The following TBK1 variants were observed in gnomAD, a reference collection of about 807,000 sequenced individuals.
The protein encoded by TBK1 is serine/threonine-protein kinase TBK1.
Under a neutral mutation model 99.9 loss-of-function variants are expected in TBK1, and 37 were observed. The observed-to-expected ratio is 0.37, with a 90% confidence interval of 0.28 to 0.49. The LOEUF (loss-of-function observed/expected upper bound fraction) is 0.49. Ranked by LOEUF, TBK1 falls within the 20% of genes least tolerant of loss-of-function variation. The pLI is 0.98. For synonymous variants in TBK1, 258 were observed against 279.8 expected (o/e 0.92, Z 0.78); for missense variants, 644 against 872.5 (o/e 0.74, Z 3.30).
chr12:64,500,516 A>C (rs1165195401), intron 20 of TBK1, among the ~76,000 whole-genome samples: 2 of 152,114 alleles, frequency 1.3e-5, no homozygotes, highest in Non-Finnish European at 2.9e-5. Context: ...TATTACAGCC[A>C]AAATCATCTT....
intron 3 of TBK1, among the ~76,000 whole-genome samples, chr12:64,462,194 T>G (rs1236774349): frequency 6.6e-6 from 1 of 152,232 alleles, no homozygotes; most frequent in African/African-American, 2.4e-5. Context: ...GACAGAAGTC[T>G]TGTTCTTTCA....
intron 5 of TBK1, among the ~76,000 whole-genome samples, chr12:64,471,245 C>T (rs1374613628): frequency 6.6e-6 from 1 of 152,052 alleles, no homozygotes; most frequent in Admixed American, 6.6e-5. Context: ...TCTCAGCTCA[C>T]TCAAGCTCCA....
chr12:64,456,825 G>C (rs977518405), intron 2 of TBK1, among the ~76,000 whole-genome samples: 11 of 143,320 alleles, frequency 7.7e-5, no homozygotes, highest in Non-Finnish European at 1.7e-4. Flanking sequence ...CTGGGTGACA[G>C]AGCAAGACTC....
intron 6 of TBK1, among the ~76,000 whole-genome samples, chr12:64,476,618 TTGTC>T (rs2040716879): frequency 1.3e-5 from 2 of 152,178 alleles, no homozygotes; most frequent in Non-Finnish European, 2.9e-5. Context: ...ATTCTATAGG[TTGTC>T]TGTTTATTCT....
intron 14 of TBK1, 40 bp downstream of exon 14, chr12:64,495,644 T>C (rs1358649560): frequency 6.2e-7 from 1 of 1,613,056 alleles, no homozygotes; most frequent in African/African-American, 1.3e-5. Context: ...CTCTTATTAA[T>C]GTCCTTTTTC....
At chr12:64,484,750 T>A (rs2040801984) in intron 9 of TBK1, among the ~76,000 whole-genome samples, 1 of 152,070 alleles carries the variant, frequency 6.6e-6, no homozygotes, top group African/African-American at 2.4e-5. Context: ...GGACCCTGTC[T>A]CAAAAACAAA....
chr12:64,494,722 A>G (rs935130731), intron 13 of TBK1, among the ~76,000 whole-genome samples: 3 of 152,244 alleles, frequency 2.0e-5, no homozygotes, highest in African/African-American at 2.4e-5. Context: ...AAAAAATTGC[A>G]TAACAGTAAG....
At position 64,496,980 on chromosome 12, in the gene TBK1, A is replaced by G. The variant is rs899858451; in HGVS notation, c.1792A>G (p.Met598Val). 49 of 1,613,070 alleles carry G rather than the reference A, an allele frequency of 3.0e-5. No homozygotes were observed. Among genetic ancestry groups the G allele is most frequent in the African/African-American group, 5.3e-5 (4 of 74,906 alleles). Reference protein sequence around the residue: ...QKLYYHATKAMTHFTDECVKK... With the variant: ...QKLYYHATKAVTHFTDECVKK... ...ACTGTATTACCATGCCACAAAAGCT[A>G]TGACGCACTTTACAGATGAATGTGT... Residue 598 changes from methionine to valine, a missense_variant, in exon 17 of 21, where the codon ATG (methionine) becomes GTG (valine). Coordinates refer to ENST00000331710, the MANE Select transcript of TBK1 (RefSeq NM_013254.4).
intron 1 of TBK1, chr12:64,452,806 A>G (rs2040442195): frequency 6.6e-6 from 1 of 152,234 alleles, no homozygotes; most frequent in African/African-American, 2.4e-5. Flanking sequence ...TACCTGGCTT[A>G]TGGGTTTAAT....
At chr12:64,455,993 C>T in intron 2 of TBK1, 36 bp downstream of exon 2, 2 of 1,472,044 alleles carry the variant, frequency 1.4e-6, no homozygotes, top group Non-Finnish European at 1.9e-6. Flanking sequence ...CCTTTTATCA[C>T]TGTATGTATT....
chr12:64,484,251 G>A, intron 8 of TBK1, 52 bp from the exon 9 acceptor site: 2 of 1,166,018 alleles, frequency 1.7e-6, no homozygotes, highest in Non-Finnish European at 2.5e-6. Context: ...AAAATATTTT[G>A]CCTCTCACTT....
In TBK1 at chr12:64,456,095, A is replaced by G; in HGVS notation, c.87+138A>G. On this transcript the variant is annotated intron_variant, in intron 2 of 20. Transcript: ENST00000331710. ...AATTGTTTTAATGATTTTCGTGGTC[A>G]TTTAAGGCATAGCTGTGTCAGGCAG... is the stretch of plus-strand genomic sequence containing the variant. The G allele has an allele frequency of 4.5e-6, 3 of 665,506 alleles. No homozygotes were observed. In the South Asian group the frequency reaches 5.8e-5, roughly 13 times the overall value. 41.2% of individuals were successfully genotyped at this position (665,506 alleles called of 1,614,324 possible). A position where few individuals can be genotyped will look rare whatever the true frequency, so the allele number is the denominator to read the frequency against.
intron 6 of TBK1, among the ~76,000 whole-genome samples, 195 bp from the exon 7 acceptor site, chr12:64,479,817 C>T (rs1399347879): frequency 6.6e-6 from 1 of 151,944 alleles, no homozygotes; most frequent in Non-Finnish European, 1.5e-5. Flanking sequence ...TATAAATAAC[C>T]GTACAACCAC....
intron 2 of TBK1, 150 bp downstream of exon 2, chr12:64,456,107 G>T (rs777446174): frequency 6.2e-6 from 4 of 640,892 alleles, no homozygotes; most frequent in African/African-American, 5.5e-5. Flanking sequence ...TTAAGGCATA[G>T]CTGTGTCAGG....
chr12:64,461,967 T>C (rs1225390371), intron 3 of TBK1, among the ~76,000 whole-genome samples: 1 of 152,228 alleles, frequency 6.6e-6, no homozygotes, highest in Admixed American at 6.5e-5. Context: ...CATTGATGTA[T>C]GACAGTATGC....
chr12:64,456,699 A>C (rs930156145), intron 2 of TBK1, among the ~76,000 whole-genome samples: 1 of 151,846 alleles, frequency 6.6e-6, no homozygotes, highest in African/African-American at 2.4e-5. Context: ...AAAATTAGCC[A>C]GGCGTGGTGG....
Position 64,488,570 on chromosome 12 carries a change from T to C in TBK1, c.1424T>C (p.Ile475Thr), listed in dbSNP as rs1486952029. The part of the protein sequence containing the change: ...VITLDFCIRN[I>T]EKTVKVYEKL... Reference sequence around the variant, plus strand: ...ACATTGGATTTCTGTATCAGAAACATTGAAAAAACTGTGAAAGTGTGAGTA... The same window carrying C: ...ACATTGGATTTCTGTATCAGAAACACTGAAAAAACTGTGAAAGTGTGAGTA... Residue 475 changes from isoleucine to threonine, a missense_variant, in exon 12 of 21, where the codon ATT becomes ACT. Ile to Thr is a moderately conservative substitution (Grantham distance 89). Coordinates refer to ENST00000331710, the MANE Select transcript of TBK1 (RefSeq NM_013254.4). The C allele has an allele frequency of 3.1e-6, 5 of 1,601,708 alleles. No homozygotes were observed. The highest frequency in any genetic ancestry group is 1.3e-5 in the African/African-American group (1 of 74,424).
intron 4 of TBK1, among the ~76,000 whole-genome samples, chr12:64,466,620 A>G (rs1460774013): frequency 1.3e-5 from 2 of 152,244 alleles, no homozygotes; most frequent in Non-Finnish European, 1.5e-5. Flanking sequence ...AAGAAATCAT[A>G]TGCTTAAGAC....
chr12:64,461,989 C>G lies in TBK1; in HGVS notation c.228+1660C>G, dbSNP rs74100224. On this transcript the variant is annotated intron_variant, in intron 3 of 20. Transcript: ENST00000331710. ...GTATGACAGTATGCATGAAGTATTG[C>G]CAGTCAGGGAAGCTCACCCAAGCCT... Among the ~76,000 whole-genome samples the G allele has an allele frequency of 1.0e-3, 159 of 152,272 alleles. 1 individual carries two copies. The highest frequency in any genetic ancestry group is 3.7e-3 in the African/African-American group (155 of 41,548).
Sources: allele counts gnomAD v4.1 joint callset (sites outside exome capture counted in the v4.1 genomes callset), GRCh38; gene constraint gnomAD v4.1.1; transcripts MANE v1.5; gene names NCBI Gene and HGNC (gene_info 2026-07-23, HGNC 2026-07-21).